TBC1D5: variants seen among roughly 807,000 people sequenced by gnomAD.
The protein encoded by TBC1D5 is TBC1 domain family member 5, also known as TBC1 domain family, member 5.
In TBC1D5, 75 loss-of-function variants were observed where a neutral mutation model predicts 100.3. The observed-to-expected ratio is 0.75, with a 90% confidence interval of 0.62 to 0.91. TBC1D5 has a LOEUF of 0.91. TBC1D5 is among the 40% of genes least tolerant of loss of function. The pLI is 0.00. For missense variants in TBC1D5, 910 were observed against 942.4 expected, an observed-to-expected ratio of 0.97 and a Z score of 0.45; for synonymous variants, 323 against 325.6, an observed-to-expected ratio of 0.99 and a Z score of 0.09.
At chr3:17,588,588 C>T (rs539494672) in intron 2 of TBC1D5, among the ~76,000 whole-genome samples, 40 of 152,158 alleles carry the variant, frequency 2.6e-4, no homozygotes, top group Middle Eastern at 3.4e-3. Flanking sequence ...GCATATTTAA[C>T]GCACAAATGC....
chr3:17,246,748 A>T (rs1288082950), intron 16 of TBC1D5, among the ~76,000 whole-genome samples: 1 of 152,230 alleles, frequency 6.6e-6, no homozygotes, highest in Non-Finnish European at 1.5e-5. Context: ...TTTGAGGTGG[A>T]TCATAAATTT....
intron 19 of TBC1D5, among the ~76,000 whole-genome samples, chr3:17,175,954 T>C (rs2067674692): frequency 6.6e-6 from 1 of 152,248 alleles, no homozygotes; most frequent in Non-Finnish European, 1.5e-5. Flanking sequence ...GCCCTTGAGC[T>C]ACCTGTAGTA....
chr3:17,294,295 C>T (rs2082039672), intron 14 of TBC1D5, among the ~76,000 whole-genome samples: 1 of 152,138 alleles, frequency 6.6e-6, no homozygotes. Flanking sequence ...TCACAGCTCA[C>T]TGCAGTCTGA....
chr3:17,337,902 T>G (rs1050360247), intron 13 of TBC1D5, among the ~76,000 whole-genome samples: 1 of 152,182 alleles, frequency 6.6e-6, no homozygotes, highest in Non-Finnish European at 1.5e-5. Context: ...CATTTTATCC[T>G]GAGTGAATAA....
At chr3:17,298,891 T>C (rs1178354998) in intron 14 of TBC1D5, among the ~76,000 whole-genome samples, 3 of 152,130 alleles carry the variant, frequency 2.0e-5, no homozygotes, top group Non-Finnish European at 4.4e-5. Flanking sequence ...ACAGAGGATT[T>C]TTAGGATGTG....
chr3:17,506,813 A>C (rs1025102233), intron 3 of TBC1D5, among the ~76,000 whole-genome samples: 2 of 152,174 alleles, frequency 1.3e-5, no homozygotes, highest in Non-Finnish European at 2.9e-5. Flanking sequence ...CCATATAAAA[A>C]TACGTGCTTA....
At chr3:17,382,667 C>A (rs951082474) in intron 9 of TBC1D5, among the ~76,000 whole-genome samples, 2 of 151,648 alleles carry the variant, frequency 1.3e-5, no homozygotes, top group Non-Finnish European at 2.9e-5. Context: ...CTCAAGAGAT[C>A]CTCCCACTTC....
chr3:17,187,993 T>A (rs1455344336), intron 18 of TBC1D5, among the ~76,000 whole-genome samples: 2 of 152,224 alleles, frequency 1.3e-5, no homozygotes, highest in African/African-American at 4.8e-5. Context: ...ATGGATTCAT[T>A]TTCTTTTGCA....
intron 3 of TBC1D5, among the ~76,000 whole-genome samples, chr3:17,446,112 G>C (rs2094788282): frequency 6.6e-6 from 1 of 152,164 alleles, no homozygotes; most frequent in Non-Finnish European, 1.5e-5. Flanking sequence ...AATATGTACG[G>C]CAGAAGGATG....
chr3:17,190,318 A>G (rs2069712230), intron 18 of TBC1D5, among the ~76,000 whole-genome samples: 1 of 152,242 alleles, frequency 6.6e-6, no homozygotes, highest in Non-Finnish European at 1.5e-5. Context: ...GAGACGTGAG[A>G]GAGGACTCCT....
At chr3:17,202,222 C>T (rs999932472) in intron 18 of TBC1D5, among the ~76,000 whole-genome samples, 17 of 152,206 alleles carry the variant, frequency 1.1e-4, no homozygotes, top group Admixed American at 8.5e-4. Context: ...TGCCCCTGCT[C>T]TAGGGATCTG....
chr3:17,736,829 G>A (rs1379701214), intron 1 of TBC1D5, among the ~76,000 whole-genome samples: 4 of 152,086 alleles, frequency 2.6e-5, no homozygotes, highest in Admixed American at 1.3e-4. Flanking sequence ...TGAACAACAT[G>A]GTGAAACCCC....
At chr3:17,673,558 G>C (rs1279381552) in intron 1 of TBC1D5, among the ~76,000 whole-genome samples, 6 of 151,362 alleles carry the variant, frequency 4.0e-5, no homozygotes, top group Non-Finnish European at 8.8e-5. Context: ...CAAGCAATCT[G>C]CCTGCCTCAG....
chr3:17,720,805 ACTTT>A (rs750315487), intron 1 of TBC1D5, among the ~76,000 whole-genome samples: 9 of 150,946 alleles, frequency 6.0e-5, no homozygotes, highest in African/African-American at 1.5e-4. Flanking sequence ...ACAGAGTGAG[ACTTT>A]CTTTTTTTTT....
intron 1 of TBC1D5, among the ~76,000 whole-genome samples, chr3:17,705,236 A>G (rs1198154819): frequency 1.5e-4 from 7 of 46,844 alleles, no homozygotes; most frequent in African/African-American, 2.4e-4. Flanking sequence ...ACGGCTGGCC[A>G]GGCGGGGGGC....
intron 2 of TBC1D5, among the ~76,000 whole-genome samples, chr3:17,617,452 G>A (rs999935606): frequency 6.6e-6 from 1 of 152,148 alleles, no homozygotes; most frequent in African/African-American, 2.4e-5. Context: ...GCCTTGCTAG[G>A]TTGGGGAAGT....
chr3:17,652,474 T>C (rs2065670633), intron 1 of TBC1D5, among the ~76,000 whole-genome samples: 2 of 152,136 alleles, frequency 1.3e-5, no homozygotes, highest in South Asian at 4.1e-4. Context: ...CCGGTAAATT[T>C]CCTCTACATT....
At chr3:17,663,130 A>T (rs1262057460) in intron 1 of TBC1D5, 1 of 152,228 alleles carries the variant, frequency 6.6e-6, no homozygotes, top group Non-Finnish European at 1.5e-5. Context: ...CAATACATAG[A>T]AAATACAGAA....
intron 3 of TBC1D5, among the ~76,000 whole-genome samples, chr3:17,473,736 G>A (rs2095407371): frequency 6.6e-6 from 1 of 152,022 alleles, no homozygotes; most frequent in Non-Finnish European, 1.5e-5. Context: ...CAGATCATGT[G>A]GCTTTTTAAT....
Sources: gnomAD v4.1 joint callset for allele counts (sites outside exome capture counted in the v4.1 genomes callset) on GRCh38, gnomAD v4.1.1 for gene constraint, MANE v1.5 for transcripts, NCBI Gene and HGNC (gene_info 2026-07-23, HGNC 2026-07-21) for gene names.